DSP: variants seen among roughly 807,000 people sequenced by gnomAD.
The protein encoded by DSP is desmoplakin.
Under a neutral mutation model 290.6 loss-of-function variants are expected in DSP, and 114 were observed. That is an observed-to-expected ratio of 0.39 (90% confidence interval 0.34 to 0.46). DSP has a LOEUF of 0.46. DSP is among the 20% of genes least tolerant of loss of function. The probability of loss-of-function intolerance (pLI) is 0.99; values close to 1 mark genes in which losing one functional copy is unlikely to be tolerated. For synonymous variants in DSP, 1,311 were observed against 1,316.4 expected (o/e 1.00, Z 0.09); for missense variants, 3,230 against 3,495.8 (o/e 0.92, Z 1.92).
In DSP at chr6:7,542,236, GGACCGGGTGTC is replaced by G. The variant is rs1581778137; in HGVS notation, c.170+152_170+162del. 4.6e-6 allele frequency: 5 copies of G among 1,084,696 alleles called. No individual in the cohort carries two copies. In the East Asian group the frequency reaches 1.3e-4, roughly 28 times the overall value. The allele number at this position is 1,084,696 out of a possible 1,614,324, so 67.2% of individuals were successfully genotyped here. A position where few individuals can be genotyped will look rare whatever the true frequency, so the allele number is the denominator to read the frequency against. ...GAACTTCCCGGCCGCGCTGGGAGCA[GGACCGGGTGTC>G]CTGACGCGTGCGGGGACAGGTTGGC... is the stretch of plus-strand genomic sequence containing the variant. On this transcript the variant is annotated intron_variant, in intron 1 of 23. Transcript: ENST00000379802.
chr6:7,585,959 C>A lies in DSP; in HGVS notation c.*81C>A. ...TATTAAATAATAGAAAAGAAAATCC[C>A]GGTGCTTGCAGTAGAGTGATAGGAC... On this transcript the variant is annotated 3_prime_UTR_variant, in exon 24 of 24. Transcript: ENST00000379802. The A allele has an allele frequency of 7.0e-7, 1 of 1,419,152 alleles. No individual in the cohort carries two copies. Among genetic ancestry groups the A allele is most frequent in the Non-Finnish European group, 9.8e-7 (1 of 1,018,048 alleles). The allele number at this position is 1,419,152 out of a possible 1,614,324, so 87.9% of individuals were successfully genotyped here.
At position 7,570,555 on chromosome 6, in the gene DSP, A is replaced by G. The variant is rs1287232143; in HGVS notation, c.1693A>G (p.Ile565Val). The change falls in exon 13 of 24, where the codon ATC becomes GTC. Residue 565 changes from isoleucine (I) to valine (V), a missense_variant. Ile to Val is a conservative substitution (Grantham distance 29). This residue lies in a region of DSP where 81 missense variants were observed against 130.5 expected (regional missense o/e 0.62). Coordinates refer to ENST00000379802, the MANE Select transcript of DSP (RefSeq NM_004415.4). ...CATAGAGAAGATCAGGGCCATGACAATCGCCAAGGTATGTCCTCAGGGCCA... is the reference window on the plus strand; with the variant it reads ...CATAGAGAAGATCAGGGCCATGACAGTCGCCAAGGTATGTCCTCAGGGCCA... Reference protein sequence around the residue: ...IDIEKIRAMTIAKLKTMRQED... With the variant: ...IDIEKIRAMTVAKLKTMRQED... The G allele has an allele frequency of 5.6e-6, 9 of 1,613,160 alleles. No homozygotes were observed. The South Asian group carries it at 8.8e-5, about 16-fold the overall frequency.
In DSP at chr6:7,580,713, A is replaced by G. The variant is rs1759404972; in HGVS notation, c.4523A>G (p.Gln1508Arg). ...KCLEDENARL[Q>R]RVQYDLQKAN... is the part of the protein sequence containing the mutation. The stretch of plus-strand genomic sequence containing the variant: ...CTGGAAGATGAAAACGCGAGATTAC[A>G]AAGGGTCCAGTATGACCTGCAGAAA... The change falls in exon 23 of 24, where the codon CAA (glutamine) becomes CGA (arginine). Residue 1508 changes from glutamine to arginine, a missense_variant. This residue lies in a region of DSP where 1,714 missense variants were observed against 1,844.5 expected (regional missense o/e 0.93). Transcript: ENST00000379802. This position sits in a 1 kb window ranked among gnomAD's most constrained non-coding sequence, Gnocchi z 4.2. 6.2e-7 allele frequency: 1 copy of G among 1,614,136 alleles called. No homozygotes were observed. Among genetic ancestry groups the G allele is most frequent in the Non-Finnish European group, 8.5e-7 (1 of 1,180,044 alleles).
In DSP at chr6:7,565,588, G is replaced by A. The variant is rs1055828707; in HGVS notation, c.939+68G>A. 2.0e-5 allele frequency: 32 copies of A among 1,576,628 alleles called. No individual in the cohort carries two copies. The highest frequency in any genetic ancestry group is 2.7e-5 in the Non-Finnish European group (31 of 1,148,048). On this transcript the variant is annotated intron_variant, in intron 7 of 23. Transcript: ENST00000379802. The surrounding 1 kb of genome is among the most constrained non-coding windows in gnomAD (Gnocchi z 4.2). ...GTTGCCTTGAAGAGCTGGGGTCTCG[G>A]GGAATGATTGGTCTATTAATAATTT...
chr6:7,559,360 A>G lies in DSP; in HGVS notation c.557A>G (p.His186Arg), dbSNP rs1033990351. 6.8e-6 allele frequency: 11 copies of G among 1,613,360 alleles called. No homozygotes were observed. The highest frequency in any genetic ancestry group is 1.3e-5 in the African/African-American group (1 of 75,020). The change falls in exon 4 of 24, where the codon CAT becomes CGT. Residue 186 changes from histidine (H) to arginine (R), a missense_variant. Transcript: ENST00000379802. ...SGSGWDEFTK[H>R]VTSECLGWMR... Reference sequence around the variant, plus strand: ...TCTGGCTGGGATGAGTTCACCAAACATGTCACCAGTGAATGTTTGGGGTGG... The same window carrying G: ...TCTGGCTGGGATGAGTTCACCAAACGTGTCACCAGTGAATGTTTGGGGTGG...
chr6:7,568,493 G>A lies in DSP; in HGVS notation c.1323G>A (p.Lys441=). The change falls in exon 11 of 24, where the codon AAG becomes AAA. Residue 441 remains lysine, a synonymous_variant. Transcript: ENST00000379802. ...GTCAGGTGCAGAACTTGGTAAACAA[G>A]TCTAAGAAGATTGTACAGCTGAAGC... ...YKRQVQNLVN[K]SKKIVQLKPR... The A allele has an allele frequency of 1.2e-6, 2 of 1,614,134 alleles. No individual in the cohort carries two copies. Among genetic ancestry groups the A allele is most frequent in the Non-Finnish European group, 1.7e-6 (2 of 1,180,024 alleles).
At chr6:7,552,993 T>C (rs748586398) in intron 1 of DSP, among the ~76,000 whole-genome samples, 57 of 152,370 alleles carry the variant, frequency 3.7e-4, no homozygotes, top group Non-Finnish European at 7.8e-4. Flanking sequence ...TACACTTCGG[T>C]GCGTTCATTC....
chr6:7,574,322 T>G (rs1759161683), intron 16 of DSP, 70 bp downstream of exon 16: 1 of 1,477,402 alleles, frequency 6.8e-7, no homozygotes, highest in African/African-American at 1.4e-5. Flanking sequence ...TTCATTTGCT[T>G]TAGATGCTTG....
Position 7,558,115 on chromosome 6 carries a change from G to A in DSP, c.274-1G>A. ...TCCTTCATGTGAGTGTTTTCTTTCA[G>A]GAATTGAAGTATGGAGATGGAATAC... On this transcript the variant is annotated splice_acceptor_variant, in intron 2 of 23. Transcript: ENST00000379802. LOFTEE classifies it high-confidence loss of function. The A allele has an allele frequency of 6.2e-7, 1 of 1,614,198 alleles. No individual in the cohort carries two copies.
In DSP at chr6:7,578,159, TGAGA is replaced by T. The variant is rs57007348; in HGVS notation, c.2985+278_2985+281del. Among the ~76,000 whole-genome samples, 103,332 of 151,614 alleles carry T rather than the reference TGAGA, an allele frequency of 0.68. 35,496 individuals are homozygous for T. Among genetic ancestry groups the T allele is most frequent in the Middle Eastern group, 0.8 (234 of 294 alleles). Reference sequence around the variant, plus strand: ...ATTGGGCTTAAATTTCTGGGTTTGATGAGAGAGACTTCTAAAAAGTGGAAAATAC... The same window carrying T: ...ATTGGGCTTAAATTTCTGGGTTTGATGAGACTTCTAAAAAGTGGAAAATAC... On this transcript the variant is annotated intron_variant, in intron 21 of 23. Transcript: ENST00000379802.
rs1759359375 is a variant in DSP at position 7,579,749 on chromosome 6, G to T, written c.3559G>T (p.Glu1187Ter). Reference protein sequence around the residue: ...LLQEEGTRKREYENELAKVRN... With the variant: ...LLQEEGTRKR ...GCAGGAAGAAGGCACCCGGAAGAGA[G>T]AATATGAAAATGAGCTGGCAAAGGT... The change falls in exon 23 of 24, where the codon GAA becomes TAA. Residue 1187 changes from glutamate to a stop codon, truncating the protein, a stop_gained. Coordinates refer to ENST00000379802, the MANE Select transcript of DSP (RefSeq NM_004415.4). LOFTEE classifies it high-confidence loss of function. This position sits in a 1 kb window ranked among gnomAD's most constrained non-coding sequence, Gnocchi z 4.1. 1 of 1,613,666 alleles carries T rather than the reference G, an allele frequency of 6.2e-7. No homozygotes were observed. Among genetic ancestry groups the T allele is most frequent in the Non-Finnish European group, 8.5e-7 (1 of 1,179,830 alleles).
In DSP at chr6:7,581,494, G is replaced by C. The variant is rs530612211; in HGVS notation, c.5304G>C (p.Gly1768=). Residue 1768 remains glycine (G), a synonymous_variant, in exon 23 of 24, where the codon GGG becomes GGC. Coordinates refer to ENST00000379802, the MANE Select transcript of DSP (RefSeq NM_004415.4). Reference sequence around the variant, plus strand: ...ACAACCGGACCCTGGAACTGCAGGGGCTGATTAATGATTTACAGAGAGAGA... The same window carrying C: ...ACAACCGGACCCTGGAACTGCAGGGCCTGATTAATGATTTACAGAGAGAGA... ...ISNNRTLELQ[G]LINDLQRERE... 446 of 1,613,972 alleles carry C rather than the reference G, an allele frequency of 2.8e-4. 4 individuals carry two copies. The South Asian group carries it at 3.2e-3, about 12-fold the overall frequency.
intron 9 of DSP, 37 bp downstream of exon 9, chr6:7,567,486 G>A: frequency 6.6e-7 from 1 of 1,504,944 alleles, no homozygotes; most frequent in Non-Finnish European, 9.2e-7. Flanking sequence ...TGTTATTTAG[G>A]TCTTAATACC....
At chr6:7,576,512 T>C (rs1480308371) in intron 19 of DSP, 56 bp downstream of exon 19, 1 of 1,604,174 alleles carries the variant, frequency 6.2e-7, no homozygotes, top group African/African-American at 1.3e-5. Context: ...GTGTAATTCA[T>C]GTTTTCCTCT....
chr6:7,580,702 C>T lies in DSP; in HGVS notation c.4512C>T (p.Asn1504=), dbSNP rs140993677. Residue 1504 remains asparagine, a synonymous_variant, in exon 23 of 24, where the codon AAC becomes AAT. Coordinates refer to ENST00000379802, the MANE Select transcript of DSP (RefSeq NM_004415.4). This position sits in a 1 kb window ranked among gnomAD's most constrained non-coding sequence, Gnocchi z 4.2. ...TNDRKCLEDE[N]ARLQRVQYDL... The stretch of plus-strand genomic sequence containing the variant: ...ACCGGAAATGCCTGGAAGATGAAAA[C>T]GCGAGATTACAAAGGGTCCAGTATG... 8 of 1,613,958 alleles carry T rather than the reference C, an allele frequency of 5.0e-6. No individual in the cohort carries two copies. The highest frequency in any genetic ancestry group is 3.3e-4 in the Middle Eastern group (2 of 6,062).
chr6:7,562,661 G>C lies in DSP; in HGVS notation c.607G>C (p.Asp203His). ...TGTCTTTGTGTCGCAGGCGGAGATG[G>C]ACATGGTGGCCTGGGGTGTGGACCT... ...GWMRQQRAEM[D>H]MVAWGVDLAS... The change falls in exon 5 of 24, where the codon GAC (aspartate) becomes CAC (histidine). Residue 203 changes from aspartate (D) to histidine (H), a missense_variant. Transcript: ENST00000379802. 3 of 1,614,128 alleles carry C rather than the reference G, an allele frequency of 1.9e-6. No homozygotes were observed. The highest frequency in any genetic ancestry group is 1.7e-6 in the Non-Finnish European group (2 of 1,180,002).
At chr6:7,570,696 C>T (rs896014412) in intron 13 of DSP, 133 bp downstream of exon 13, 27 of 1,297,424 alleles carry the variant, frequency 2.1e-5, no homozygotes, top group South Asian at 1.8e-4. Flanking sequence ...CAGCTCAGCC[C>T]TCCTTAGAGG....
At position 7,584,760 on chromosome 6, in the gene DSP, G is replaced by C; in HGVS notation, c.7498G>C (p.Glu2500Gln). ...AACCTTCAAAGAACTGTGTGAGCAG[G>C]AATGTGAATGGGAAGAAATAACCAT... ...YETFKELCEQ[E>Q]CEWEEITITG... Residue 2500 changes from glutamate (E) to glutamine (Q), a missense_variant, in exon 24 of 24, where the codon GAA (glutamate) becomes CAA (glutamine). By Grantham distance (29) the Glu-to-Gln change is conservative (BLOSUM62 2). Around this residue, in one of 5 missense-constraint regions of DSP, gnomAD observed 582 missense variants for 555.4 expected, o/e 1.05. Coordinates refer to ENST00000379802, the MANE Select transcript of DSP (RefSeq NM_004415.4). This position sits in a 1 kb window ranked among gnomAD's most constrained non-coding sequence, Gnocchi z 6.4. 6.2e-7 allele frequency: 1 copy of C among 1,614,224 alleles called. No homozygotes were observed. Among genetic ancestry groups the C allele is most frequent in the Non-Finnish European group, 8.5e-7 (1 of 1,180,040 alleles).
chr6:7,552,369 A>G (rs1289131345), intron 1 of DSP, among the ~76,000 whole-genome samples: 1 of 151,088 alleles, frequency 6.6e-6, no homozygotes, highest in African/African-American at 2.4e-5. Context: ...CAGCCTGACC[A>G]ACATGGTGAA....
Sources: allele counts gnomAD v4.1 joint callset (sites outside exome capture counted in the v4.1 genomes callset), GRCh38; gene constraint gnomAD v4.1.1; regional missense constraint gnomAD v4.1.1; non-coding constraint Gnocchi (gnomAD v3.1); transcripts MANE v1.5; gene names NCBI Gene and HGNC (gene_info 2026-07-23, HGNC 2026-07-21).